Variants in SPATA16 observed in about 807,000 individuals in gnomAD.
SPATA16 encodes the protein spermatogenesis associated 16.
In SPATA16, 36 loss-of-function variants were observed where a neutral mutation model predicts 63.3. The observed-to-expected ratio is 0.57, with a 90% confidence interval of 0.44 to 0.75. The LOEUF is 0.75. Ranked by LOEUF, SPATA16 falls within the 30% of genes least tolerant of loss-of-function variation. The pLI is 0.00. For missense variants in SPATA16, 646 were observed against 679.3 expected (o/e 0.95, Z 0.54); for synonymous variants, 203 against 216.7 (o/e 0.94, Z 0.56).
intron 4 of SPATA16, among the ~76,000 whole-genome samples, chr3:173,017,091 G>T (rs1051031624): frequency 1.3e-5 from 2 of 151,778 alleles, no homozygotes; most frequent in African/African-American, 4.8e-5. Flanking sequence ...GATACACTAC[G>T]ATATTTATGT....
intron 5 of SPATA16, among the ~76,000 whole-genome samples, chr3:172,960,883 T>TTCTC (rs949177694): frequency 3.4e-5 from 5 of 146,518 alleles, no homozygotes; most frequent in African/African-American, 1.4e-4. Flanking sequence ...CTCTCTTTCT[T>TTCTC]TCTCTCTCTC....
rs923161862 is a variant in SPATA16 at position 172,889,360 on chromosome 3, A to G, written c.*210T>C. The G allele has an allele frequency of 4.3e-6, 3 of 693,798 alleles. No homozygotes were observed. The highest frequency in any genetic ancestry group is 7.2e-6 in the Non-Finnish European group (3 of 417,612). The allele number at this position is 693,798 out of a possible 1,614,324, so 43.0% of individuals were successfully genotyped here. ...ACAAGAAAAATCTGAACAAAAGTCA[A>G]GTCAAACTTGCTGAGAATATTTATT... On this transcript the variant is annotated 3_prime_UTR_variant, in exon 11 of 11. Coordinates refer to ENST00000351008, the MANE Select transcript of SPATA16 (RefSeq NM_031955.6).
intron 2 of SPATA16, among the ~76,000 whole-genome samples, chr3:173,089,439 G>A (rs1373539422): frequency 2.0e-5 from 3 of 152,222 alleles, no homozygotes; most frequent in East Asian, 3.9e-4. Flanking sequence ...AAATAACTGG[G>A]AAGCGGATGA....
intron 1 of SPATA16, among the ~76,000 whole-genome samples, chr3:173,122,800 A>G (rs1412749223): frequency 6.6e-6 from 1 of 152,192 alleles, no homozygotes; most frequent in Non-Finnish European, 1.5e-5. Flanking sequence ...TTGTTTTACT[A>G]GACCGTGAAC....
chr3:173,076,385 G>C (rs928027860), intron 2 of SPATA16, among the ~76,000 whole-genome samples: 1 of 146,222 alleles, frequency 6.8e-6, no homozygotes, highest in African/African-American at 2.6e-5. Context: ...TGAAATCCTG[G>C]TTAGTATAAA....
intron 9 of SPATA16, among the ~76,000 whole-genome samples, chr3:172,915,433 G>A (rs1732459507): frequency 1.3e-5 from 2 of 152,018 alleles, no homozygotes; most frequent in Non-Finnish European, 2.9e-5. Flanking sequence ...AAAATTACAG[G>A]TAATCAGTTT....
intron 10 of SPATA16, among the ~76,000 whole-genome samples, chr3:172,890,982 G>GTA (rs1448879307): frequency 1.6e-4 from 23 of 147,868 alleles, no homozygotes; most frequent in South Asian, 6.3e-4. Flanking sequence ...TATAATATGT[G>GTA]TATATATATA....
At chr3:173,027,101 GT>G (rs1361510124) in intron 3 of SPATA16, among the ~76,000 whole-genome samples, 1 of 151,614 alleles carries the variant, frequency 6.6e-6, no homozygotes, top group Non-Finnish European at 1.5e-5. Context: ...TCAATGTTTT[GT>G]AGTTTTCAGC....
chr3:173,073,951 A>G (rs2108308848), intron 2 of SPATA16, among the ~76,000 whole-genome samples: 1 of 152,264 alleles, frequency 6.6e-6, no homozygotes, highest in East Asian at 1.9e-4. Flanking sequence ...CACCTCTTGC[A>G]TCAGTGTGAC....
chr3:173,036,948 G>A (rs754024519), intron 3 of SPATA16, among the ~76,000 whole-genome samples: 1 of 151,894 alleles, frequency 6.6e-6, no homozygotes, highest in Non-Finnish European at 1.5e-5. Flanking sequence ...TTTCTAAGTT[G>A]TCATTTCTAT....
At chr3:173,064,142 C>T (rs1736455620) in intron 2 of SPATA16, among the ~76,000 whole-genome samples, 2 of 151,792 alleles carry the variant, frequency 1.3e-5, no homozygotes, top group South Asian at 4.2e-4. Context: ...ACTGTCTCTA[C>T]TAAAAATACA....
At chr3:172,954,023 T>C (rs1733513127) in intron 6 of SPATA16, among the ~76,000 whole-genome samples, 1 of 152,208 alleles carries the variant, frequency 6.6e-6, no homozygotes, top group Non-Finnish European at 1.5e-5. Context: ...TGCATGAATA[T>C]ATGTTACAAT....
intron 1 of SPATA16, among the ~76,000 whole-genome samples, chr3:173,125,515 G>A (rs1277695030): frequency 6.6e-6 from 1 of 152,166 alleles, no homozygotes; most frequent in African/African-American, 2.4e-5. Flanking sequence ...CTATGTTCCA[G>A]CCACCTGGCA....
intron 5 of SPATA16, among the ~76,000 whole-genome samples, chr3:172,976,114 G>T (rs991445284): frequency 6.6e-6 from 1 of 152,024 alleles, no homozygotes; most frequent in Non-Finnish European, 1.5e-5. Flanking sequence ...GGAGGAGAAA[G>T]TTGGCTTTTG....
chr3:173,020,430 C>A (rs572046398), intron 3 of SPATA16, among the ~76,000 whole-genome samples: 149 of 152,236 alleles, frequency 9.8e-4, no homozygotes, highest in Non-Finnish European at 1.6e-3. Context: ...TTGGTCTTGA[C>A]CCTTTTGTTA....
chr3:173,010,591 C>CT (rs1735048618), intron 4 of SPATA16, among the ~76,000 whole-genome samples: 1 of 152,180 alleles, frequency 6.6e-6, no homozygotes, highest in Non-Finnish European at 1.5e-5. Flanking sequence ...AGCCTAAGTA[C>CT]TTTCGTGCCT....
At chr3:172,998,344 A>T (rs1409941694) in intron 4 of SPATA16, among the ~76,000 whole-genome samples, 1 of 152,064 alleles carries the variant, frequency 6.6e-6, no homozygotes, top group Non-Finnish European at 1.5e-5. Context: ...AAATTCCTTG[A>T]TTATTGCTGG....
At chr3:172,913,571 G>A in intron 10 of SPATA16, 90 bp downstream of exon 10, 1 of 1,265,844 alleles carries the variant, frequency 7.9e-7, no homozygotes, top group Non-Finnish European at 1.1e-6. Context: ...AAAGAACTTG[G>A]GTTTCTTTTT....
In SPATA16 at chr3:173,033,994, C is replaced by T. The variant is rs147012077; in HGVS notation, c.759-14419G>A. 7.2e-5 allele frequency among the ~76,000 whole-genome samples: 11 copies of T among 152,230 alleles called. No individual in the cohort carries two copies. The East Asian group carries it at 1.9e-3, about 27-fold the overall frequency. ...AGCTGGGATTACAGGAGTGAGCTGCCGCGCCTGGCTGAGATGTATTTTAGA... is the reference window on the plus strand; with the variant it reads ...AGCTGGGATTACAGGAGTGAGCTGCTGCGCCTGGCTGAGATGTATTTTAGA... On this transcript the variant is annotated intron_variant, in intron 3 of 10. Coordinates refer to ENST00000351008, the MANE Select transcript of SPATA16 (RefSeq NM_031955.6).
Sources: allele counts gnomAD v4.1 joint callset (sites outside exome capture counted in the v4.1 genomes callset), GRCh38; gene constraint gnomAD v4.1.1; transcripts MANE v1.5; gene names NCBI Gene and HGNC (gene_info 2026-07-23, HGNC 2026-07-21).